NCAM2: variants seen among roughly 807,000 people sequenced by gnomAD.
NCAM2 encodes the protein N-CAM-2.
In NCAM2, 30 loss-of-function variants were observed where a neutral mutation model predicts 98.1. The observed-to-expected ratio is 0.31, with a 90% CI of 0.23 to 0.41. NCAM2 has a LOEUF of 0.41. Ranked by LOEUF, NCAM2 falls within the 10% of genes least tolerant of loss-of-function variation. NCAM2 has a pLI of 1.00. For missense variants in NCAM2, 867 were observed against 1,005.8 expected (o/e 0.86, Z 1.87); for synonymous variants, 368 against 342.4 (o/e 1.07, Z -0.83).
chr21:21,422,722 G>C (rs2077135919), intron 11 of NCAM2, among the ~76,000 whole-genome samples: 1 of 152,056 alleles, frequency 6.6e-6, no homozygotes, highest in Non-Finnish European at 1.5e-5. Flanking sequence ...AGAAATATAA[G>C]ACAGACAAAT....
intron 1 of NCAM2, among the ~76,000 whole-genome samples, chr21:21,044,872 A>G (rs2064977902): frequency 6.6e-6 from 1 of 152,098 alleles, no homozygotes; most frequent in South Asian, 2.1e-4. Flanking sequence ...GGCTGAGGTA[A>G]GGAGGATCCC....
At chr21:21,321,540 A>G (rs1238661730) in intron 5 of NCAM2, among the ~76,000 whole-genome samples, 2 of 152,090 alleles carry the variant, frequency 1.3e-5, no homozygotes, top group Admixed American at 6.6e-5. Context: ...ATACTTTTTT[A>G]TAGTTTGAGG....
intron 1 of NCAM2, among the ~76,000 whole-genome samples, chr21:21,049,709 TA>T (rs1161514408): frequency 6.6e-6 from 1 of 151,980 alleles, no homozygotes; most frequent in Non-Finnish European, 1.5e-5. Flanking sequence ...CTGTCTCTAC[TA>T]AAAATACAAA....
At chr21:21,429,747 C>T (rs1345791608) in intron 11 of NCAM2, among the ~76,000 whole-genome samples, 1 of 152,090 alleles carries the variant, frequency 6.6e-6, no homozygotes, top group African/African-American at 2.4e-5. Flanking sequence ...AGTTCTAAGA[C>T]TTTTGGATGC....
At chr21:21,454,777 G>A (rs1981872967) in intron 12 of NCAM2, among the ~76,000 whole-genome samples, 1 of 151,934 alleles carries the variant, frequency 6.6e-6, no homozygotes, top group Non-Finnish European at 1.5e-5. Flanking sequence ...AAATGCTGGC[G>A]GGCTTTTAAA....
At chr21:21,508,366 T>G (rs1988121437) in intron 15 of NCAM2, among the ~76,000 whole-genome samples, 1 of 152,260 alleles carries the variant, frequency 6.6e-6, no homozygotes. Context: ...ACCATCCATT[T>G]TCAAGTTTAA....
At chr21:21,200,098 A>T (rs1402916979) in intron 1 of NCAM2, among the ~76,000 whole-genome samples, 1 of 152,122 alleles carries the variant, frequency 6.6e-6, no homozygotes, top group Non-Finnish European at 1.5e-5. Flanking sequence ...TCAAGGAGGC[A>T]GCCCAAAAGA....
intron 3 of NCAM2, 81 bp from the exon 4 acceptor site, chr21:21,286,188 C>T: frequency 7.1e-7 from 1 of 1,402,356 alleles, no homozygotes; most frequent in Non-Finnish European, 9.7e-7. Context: ...TCAATAGAGT[C>T]TGGATTATGT....
At chr21:21,426,212 A>G (rs955595055) in intron 11 of NCAM2, among the ~76,000 whole-genome samples, 3 of 152,156 alleles carry the variant, frequency 2.0e-5, no homozygotes, top group Admixed American at 6.6e-5. Flanking sequence ...AAACCACAGC[A>G]TGATCGAAAC....
At chr21:21,365,258 T>C (rs1481189073) in intron 8 of NCAM2, among the ~76,000 whole-genome samples, 1 of 151,534 alleles carries the variant, frequency 6.6e-6, no homozygotes, top group Non-Finnish European at 1.5e-5. Flanking sequence ...TGTGTGTGTG[T>C]GTGTGTGTGT....
chr21:21,389,377 G>T (rs927963804), intron 9 of NCAM2, among the ~76,000 whole-genome samples: 2 of 152,154 alleles, frequency 1.3e-5, no homozygotes, highest in Non-Finnish European at 2.9e-5. Flanking sequence ...TGACACATGG[G>T]AATTATGGTA....
At chr21:21,130,300 G>T (rs2066907576) in intron 1 of NCAM2, among the ~76,000 whole-genome samples, 1 of 152,034 alleles carries the variant, frequency 6.6e-6, no homozygotes, top group Non-Finnish European at 1.5e-5. Context: ...AGGTTATCTT[G>T]TTCATCTGGG....
At chr21:21,305,492 T>C (rs1481999230) in intron 5 of NCAM2, among the ~76,000 whole-genome samples, 1 of 152,116 alleles carries the variant, frequency 6.6e-6, no homozygotes, top group Non-Finnish European at 1.5e-5. Context: ...TCCATAAACT[T>C]TGGGAGACAG....
intron 14 of NCAM2, among the ~76,000 whole-genome samples, chr21:21,475,013 CAT>C (rs1307800433): frequency 2.7e-5 from 4 of 145,920 alleles, no homozygotes; most frequent in Non-Finnish European, 3.0e-5. Flanking sequence ...CATTATAATA[CAT>C]ATATATAATA....
At chr21:21,351,559 G>T (rs987842757) in intron 8 of NCAM2, among the ~76,000 whole-genome samples, 7 of 152,022 alleles carry the variant, frequency 4.6e-5, no homozygotes, top group Non-Finnish European at 7.4e-5. Context: ...GCAATATATT[G>T]TTTTTATTAA....
intron 6 of NCAM2, among the ~76,000 whole-genome samples, chr21:21,328,757 G>T (rs1224296372): frequency 6.6e-6 from 1 of 151,698 alleles, no homozygotes; most frequent in Non-Finnish European, 1.5e-5. Context: ...AAAAGCTAAG[G>T]TGAATTTATT....
intron 1 of NCAM2, among the ~76,000 whole-genome samples, chr21:21,082,183 G>T (rs565331042): frequency 6.9e-6 from 1 of 144,110 alleles, no homozygotes; most frequent in Non-Finnish European, 1.5e-5. Context: ...AGCTGAGATT[G>T]TGCCAGTGCA....
At chr21:21,055,391 T>G (rs186064605) in intron 1 of NCAM2, among the ~76,000 whole-genome samples, 164 of 152,190 alleles carry the variant, frequency 1.1e-3, no homozygotes, top group African/African-American at 3.8e-3. Flanking sequence ...ATCCAACAAC[T>G]TATTATCCAG....
At chr21:21,245,585 C>T (rs1246340890) in intron 1 of NCAM2, among the ~76,000 whole-genome samples, 1 of 152,184 alleles carries the variant, frequency 6.6e-6, no homozygotes, top group South Asian at 2.1e-4. Flanking sequence ...AAGGTATCTC[C>T]TTCTTTGGAC....
Sources: gnomAD v4.1 joint callset for allele counts (sites outside exome capture counted in the v4.1 genomes callset) on GRCh38, gnomAD v4.1.1 for gene constraint, MANE v1.5 for transcripts, NCBI Gene and HGNC (gene_info 2026-07-23, HGNC 2026-07-21) for gene names.